Variants in NPAS3 observed in about 807,000 individuals in gnomAD.
The protein encoded by NPAS3 is neuronal PAS domain-containing protein 3.
In NPAS3, 14 loss-of-function variants were observed where a neutral mutation model predicts 73.1. That is an observed-to-expected ratio of 0.19 (90% confidence interval 0.13 to 0.30). The LOEUF (loss-of-function observed/expected upper bound fraction) is 0.30. NPAS3 is among the 10% of genes least tolerant of loss of function. The pLI, the probability that NPAS3 is intolerant of heterozygous loss-of-function variation, is 1.00. For synonymous variants in NPAS3, 620 were observed against 541.5 expected (o/e 1.14, Z -2.01); for missense variants, 1,096 against 1,250.0 (o/e 0.88, Z 1.86).
chr14:33,056,678 G>A (rs2040900875), intron 2 of NPAS3, among the ~76,000 whole-genome samples: 1 of 152,064 alleles, frequency 6.6e-6, no homozygotes, highest in Non-Finnish European at 1.5e-5. Context: ...TATCATAGTT[G>A]GACTTGTATT....
chr14:33,446,191 C>T (rs1174690594), intron 4 of NPAS3, among the ~76,000 whole-genome samples: 3 of 109,952 alleles, frequency 2.7e-5, no homozygotes, highest in African/African-American at 3.7e-5. Context: ...TTTTTTGAGA[C>T]GGAGTCTCGC....
At chr14:33,138,430 T>C (rs1276655199) in intron 2 of NPAS3, among the ~76,000 whole-genome samples, 1 of 152,136 alleles carries the variant, frequency 6.6e-6, no homozygotes, top group African/African-American at 2.4e-5. Context: ...AGCATAAAAC[T>C]TGTAAAGGAT....
intron 1 of NPAS3, among the ~76,000 whole-genome samples, chr14:33,017,143 T>G (rs535915104): frequency 1.3e-5 from 2 of 152,242 alleles, no homozygotes; most frequent in Middle Eastern, 3.4e-3. Context: ...CTTGGAAAAC[T>G]TTGGAAAATC....
chr14:33,202,251 A>G (rs1227509118), intron 2 of NPAS3, among the ~76,000 whole-genome samples: 4 of 152,028 alleles, frequency 2.6e-5, no homozygotes, highest in African/African-American at 9.7e-5. Flanking sequence ...AAAAACACAA[A>G]AATTAGCCAG....
intron 3 of NPAS3, among the ~76,000 whole-genome samples, chr14:33,257,899 A>G (rs1434888919): frequency 6.6e-6 from 1 of 152,170 alleles, no homozygotes; most frequent in Non-Finnish European, 1.5e-5. Flanking sequence ...ATCATTTTAG[A>G]TTATACTTGG....
At chr14:33,330,743 G>A (rs1423517473) in intron 3 of NPAS3, among the ~76,000 whole-genome samples, 3 of 152,128 alleles carry the variant, frequency 2.0e-5, no homozygotes, top group Non-Finnish European at 2.9e-5. Context: ...TCACTTTGGA[G>A]GGTCAGGGAC....
At chr14:33,523,324 A>G (rs921658557) in intron 4 of NPAS3, among the ~76,000 whole-genome samples, 1 of 152,060 alleles carries the variant, frequency 6.6e-6, no homozygotes, top group Non-Finnish European at 1.5e-5. Flanking sequence ...GTTATCTGAC[A>G]TCATTATTAC....
chr14:33,412,121 A>ATTAT (rs74892253), intron 4 of NPAS3, among the ~76,000 whole-genome samples: 32,035 of 151,568 alleles, frequency 0.21, 3,566 homozygotes, highest in Admixed American at 0.29. Flanking sequence ...TATGCTTTTT[A>ATTAT]TTATTTATTT....
At chr14:33,411,915 C>T (rs2047944583) in intron 4 of NPAS3, among the ~76,000 whole-genome samples, 1 of 152,120 alleles carries the variant, frequency 6.6e-6, no homozygotes, top group South Asian at 2.1e-4. Flanking sequence ...TTGTCTGGTA[C>T]TTTCATGGCA....
At chr14:33,023,752 T>C (rs1486550434) in intron 1 of NPAS3, among the ~76,000 whole-genome samples, 1 of 152,204 alleles carries the variant, frequency 6.6e-6, no homozygotes, top group Non-Finnish European at 1.5e-5. Context: ...TTTTGTGTTT[T>C]TTAATATTGT....
At chr14:33,580,535 C>T (rs755558261) in intron 5 of NPAS3, among the ~76,000 whole-genome samples, 2 of 152,118 alleles carry the variant, frequency 1.3e-5, no homozygotes, top group Non-Finnish European at 2.9e-5. Context: ...GTGTACCCAG[C>T]CTGCAGAGGC....
intron 3 of NPAS3, among the ~76,000 whole-genome samples, chr14:33,322,757 G>T (rs2043513953): frequency 6.6e-6 from 1 of 152,132 alleles, no homozygotes; most frequent in African/African-American, 2.4e-5. Flanking sequence ...AAGACGGATA[G>T]ATCCAAAGGA....
At chr14:33,400,491 G>A (rs1258828128) in intron 4 of NPAS3, among the ~76,000 whole-genome samples, 1 of 152,094 alleles carries the variant, frequency 6.6e-6, no homozygotes, top group Admixed American at 6.6e-5. Flanking sequence ...ATTAACTAAA[G>A]GCGAAGACTG....
intron 3 of NPAS3, among the ~76,000 whole-genome samples, chr14:33,288,163 T>C (rs1452099332): frequency 6.6e-6 from 1 of 152,176 alleles, no homozygotes. Context: ...CATGGGTCGA[T>C]GTGGGAGGGC....
At chr14:33,083,585 G>T (rs1471730033) in intron 2 of NPAS3, among the ~76,000 whole-genome samples, 2 of 152,182 alleles carry the variant, frequency 1.3e-5, no homozygotes, top group African/African-American at 2.4e-5. Flanking sequence ...GGAGGTGCAG[G>T]TGGCAGTTCA....
At chr14:33,389,581 G>A (rs915542911) in intron 4 of NPAS3, among the ~76,000 whole-genome samples, 2 of 152,142 alleles carry the variant, frequency 1.3e-5, no homozygotes, top group African/African-American at 4.8e-5. Flanking sequence ...GCTTGAGTGA[G>A]TTTAGCGGGG....
intron 6 of NPAS3, among the ~76,000 whole-genome samples, chr14:33,689,213 C>T (rs1011253104): frequency 7.2e-5 from 11 of 152,170 alleles, no homozygotes; most frequent in Non-Finnish European, 1.2e-4. Flanking sequence ...CCAGTTTTCC[C>T]ATTATAAATT....
exon 8 of NPAS3, chr14:33,774,387 G>A: frequency 6.2e-7 from 1 of 1,614,078 alleles, no homozygotes; most frequent in Non-Finnish European, 8.5e-7. Flanking sequence ...TGTCCCACGG[G>A]AGGACCGTCC....
intron 7 of NPAS3, among the ~76,000 whole-genome samples, chr14:33,753,358 T>TAAAAAAAAAA (rs34619014): frequency 0.022 from 2,882 of 128,886 alleles, 107 homozygotes; most frequent in African/African-American, 0.076. Context: ...GTTAAATTGA[T>TAAAAAAAAAA]AAAAAAAAAA....
Sources: allele counts gnomAD v4.1 joint callset (sites outside exome capture counted in the v4.1 genomes callset), GRCh38; gene constraint gnomAD v4.1.1; transcripts MANE v1.5; gene names NCBI Gene and HGNC (gene_info 2026-07-23, HGNC 2026-07-21).